Variants in CLIP2 observed in about 807,000 individuals in gnomAD.
CLIP2 encodes the protein CAP-Gly domain containing linker protein 2.
A neutral mutation model predicts 111.7 loss-of-function variants in CLIP2; 41 were observed. That is an observed-to-expected ratio of 0.37 (90% confidence interval 0.29 to 0.48). The LOEUF (loss-of-function observed/expected upper bound fraction) is 0.48. Ranked by LOEUF, CLIP2 falls within the 20% of genes least tolerant of loss-of-function variation. The pLI is 0.99. For missense variants in CLIP2, 1,160 were observed against 1,422.1 expected, an observed-to-expected ratio of 0.82 and a Z score of 2.96; for synonymous variants, 660 against 644.2, an observed-to-expected ratio of 1.02 and a Z score of -0.37.
intron 1 of CLIP2, among the ~76,000 whole-genome samples, chr7:74,295,989 C>CG (rs1473693960): frequency 2.8e-5 from 2 of 70,984 alleles, no homozygotes; most frequent in African/African-American, 8.3e-5. Flanking sequence ...ACCCTGTCTC[C>CG]AAAAAAAAAA....
rs555829761 is a variant in CLIP2, at chr7:74,371,972, A to G, written c.1381-960A>G. ...TTCACACCTAGAGGCTGTTTTGCTA[A>G]GCCCCGCCCCTTCAGAACTGCCCTG... On this transcript the variant is annotated intron_variant, in intron 8 of 16. Transcript: ENST00000223398. Among the ~76,000 whole-genome samples the G allele has an allele frequency of 2.6e-5, 4 of 152,206 alleles. No individual in the cohort carries two copies. The East Asian group carries it at 7.7e-4, about 29-fold the overall frequency.
In CLIP2 at chr7:74,372,926, G is replaced by T; in HGVS notation, c.1381-6G>T. ...CCCCCCACCGTGTCCACCCTGGGTG[G>T]ACCAGACCCAGACGCAGCTGGAGCA... On this transcript the variant is annotated splice_polypyrimidine_tract_variant and splice_region_variant and intron_variant, in intron 8 of 16. Transcript: ENST00000223398. 2 of 1,554,230 alleles carry T rather than the reference G, an allele frequency of 1.3e-6. No individual in the cohort carries two copies. Among genetic ancestry groups the T allele is most frequent in the South Asian group, 2.4e-5 (2 of 84,982 alleles).
intron 10 of CLIP2, 69 bp from the exon 11 acceptor site, chr7:74,380,737 G>A: frequency 7.3e-7 from 1 of 1,368,280 alleles, no homozygotes; most frequent in Non-Finnish European, 1.0e-6. Flanking sequence ...AGGTGTGCTT[G>A]CTGGGCTGGC....
chr7:74,400,691 G>T, intron 15 of CLIP2, 136 bp downstream of exon 15: 1 of 848,298 alleles, frequency 1.2e-6, no homozygotes. Flanking sequence ...CAGGAACCTG[G>T]TCTGAAGGGG....
intron 9 of CLIP2, among the ~76,000 whole-genome samples, chr7:74,374,006 C>G (rs1554312364): frequency 6.6e-6 from 1 of 152,130 alleles, no homozygotes; most frequent in Non-Finnish European, 1.5e-5. Context: ...AGTCCCTGCT[C>G]CAGGCCCCAC....
chr7:74,310,693 A>G (rs1313962297), intron 1 of CLIP2, among the ~76,000 whole-genome samples: 1 of 151,710 alleles, frequency 6.6e-6, no homozygotes, highest in Non-Finnish European at 1.5e-5. Context: ...GTTGGGTTAT[A>G]TGGGAGGTGT....
intron 13 of CLIP2, among the ~76,000 whole-genome samples, chr7:74,394,245 A>ATTTTTTTTTTTT (rs56651501): frequency 8.5e-6 from 1 of 117,410 alleles, no homozygotes; most frequent in Non-Finnish European, 1.8e-5. Flanking sequence ...TTTTCTTCTT[A>ATTTTTTTTTTTT]TTTTTTTTTT....
At chr7:74,388,307 G>A (rs893063936) in intron 12 of CLIP2, among the ~76,000 whole-genome samples, 6 of 152,080 alleles carry the variant, frequency 3.9e-5, no homozygotes, top group Middle Eastern at 3.4e-3. Flanking sequence ...ACTCCAGCCT[G>A]GCAGCGGAGT....
chr7:74,330,424 T>G (rs1361488190), intron 2 of CLIP2, among the ~76,000 whole-genome samples: 2 of 151,608 alleles, frequency 1.3e-5, no homozygotes, highest in East Asian at 3.9e-4. Flanking sequence ...GCCTTGCTAA[T>G]TTTTGTATTT....
In CLIP2 at chr7:74,372,762, C is replaced by T. The variant is rs923653747; in HGVS notation, c.1381-170C>T. Reference sequence around the variant, plus strand: ...TCGCCTCCCCAGACTTCCTCTCTTTCGCTGAGCAATTCTGGCTCATGAATC... The same window carrying T: ...TCGCCTCCCCAGACTTCCTCTCTTTTGCTGAGCAATTCTGGCTCATGAATC... On this transcript the variant is annotated intron_variant, in intron 8 of 16. Coordinates refer to ENST00000223398, the MANE Select transcript of CLIP2 (RefSeq NM_003388.5). 3.3e-5 allele frequency among the ~76,000 whole-genome samples: 5 copies of T among 151,516 alleles called. No homozygotes were observed. The East Asian group carries it at 9.7e-4, about 29-fold the overall frequency.
Position 74,405,096 on chromosome 7 carries a change from A to G in CLIP2, c.*1248A>G, listed in dbSNP as rs1554318351. On this transcript the variant is annotated 3_prime_UTR_variant, in exon 17 of 17. Transcript: ENST00000223398. ...CATCTCCTAACGGGGGCTGGGGGTA[A>G]GAGAAATCTAACTGCGCTCCCCCAA... The G allele has an allele frequency of 6.6e-6, 1 of 152,172 alleles. No individual in the cohort carries two copies. Among genetic ancestry groups the G allele is most frequent in the Non-Finnish European group, 1.5e-5 (1 of 68,064 alleles). 9.4% of individuals were successfully genotyped at this position (152,172 alleles called of 1,614,324 possible). A position where few individuals can be genotyped will look rare whatever the true frequency, so the allele number is the denominator to read the frequency against.
intron 13 of CLIP2, among the ~76,000 whole-genome samples, chr7:74,390,845 C>G (rs1429147675): frequency 2.6e-5 from 4 of 151,746 alleles, no homozygotes; most frequent in African/African-American, 7.3e-5. Flanking sequence ...GTCGTGAGTT[C>G]AAGACCAGCC....
At chr7:74,394,242 C>CTTCTTTTTTTTTTTTT (rs782731877) in intron 13 of CLIP2, among the ~76,000 whole-genome samples, 3 of 119,728 alleles carry the variant, frequency 2.5e-5, no homozygotes, top group Non-Finnish European at 3.5e-5. Context: ...TCTTTTTCTT[C>CTTCTTTTTTTTTTTTT]TTATTTTTTT....
intron 1 of CLIP2, among the ~76,000 whole-genome samples, chr7:74,303,222 G>C (rs1052275214): frequency 1.3e-5 from 2 of 152,190 alleles, no homozygotes; most frequent in African/African-American, 4.8e-5. Context: ...CTTCACCACT[G>C]GGTGACCTAA....
At chr7:74,377,824 A>G (rs1790835021) in intron 10 of CLIP2, among the ~76,000 whole-genome samples, 2 of 149,504 alleles carry the variant, frequency 1.3e-5, no homozygotes, top group East Asian at 1.9e-4. Context: ...GTTCCCCCAC[A>G]TACATTTTTT....
At chr7:74,366,459 TCTC>T (rs1790471890) in intron 8 of CLIP2, among the ~76,000 whole-genome samples, 1 of 152,122 alleles carries the variant, frequency 6.6e-6, no homozygotes, top group South Asian at 2.1e-4. Flanking sequence ...CCATTTGACA[TCTC>T]CACCCAATTG....
intron 16 of CLIP2, among the ~76,000 whole-genome samples, chr7:74,403,249 C>G (rs1193825946): frequency 6.6e-6 from 1 of 151,580 alleles, no homozygotes; most frequent in Non-Finnish European, 1.5e-5. Context: ...GAGATCCAGC[C>G]CCGTACAGGC....
At chr7:74,361,176 T>TTTCC (rs61684239) in intron 7 of CLIP2, among the ~76,000 whole-genome samples, 1,517 of 62,106 alleles carry the variant, frequency 0.024, 49 homozygotes, top group South Asian at 0.046. Context: ...CCCTCCCTTC[T>TTTCC]TTCCTTCCTT....
intron 2 of CLIP2, among the ~76,000 whole-genome samples, chr7:74,332,404 A>G (rs528147114): frequency 3.0e-5 from 4 of 132,818 alleles, no homozygotes; most frequent in Admixed American, 7.7e-5. Flanking sequence ...GTGTCTCCCT[A>G]TTGCCCAGGC....
Sources: gnomAD v4.1 joint callset for allele counts (sites outside exome capture counted in the v4.1 genomes callset) on GRCh38, gnomAD v4.1.1 for gene constraint, MANE v1.5 for transcripts, NCBI Gene and HGNC (gene_info 2026-07-23, HGNC 2026-07-21) for gene names.